ATG10: variants seen among roughly 807,000 people sequenced by gnomAD.
ATG10 encodes the protein autophagy related 10, also known as ubiquitin-like-conjugating enzyme ATG10.
A neutral mutation model predicts 32.1 loss-of-function variants in ATG10; 30 were observed. That is an observed-to-expected ratio of 0.94 (90% CI 0.70 to 1.27). The LOEUF is 1.27. ATG10 is among the 50% of genes most tolerant of loss of function. The pLI is 0.00. For missense variants in ATG10, 233 were observed against 262.3 expected (o/e 0.89, Z 0.77); for synonymous variants, 87 against 91.5 (o/e 0.95, Z 0.28).
intron 4 of ATG10, among the ~76,000 whole-genome samples, chr5:82,173,786 C>G (rs867670857): frequency 6.6e-6 from 1 of 152,066 alleles, no homozygotes; most frequent in Non-Finnish European, 1.5e-5. Flanking sequence ...CTGACTGAGG[C>G]CAGATGTAAA....
chr5:82,101,067 GT>G (rs940109716), intron 3 of ATG10, among the ~76,000 whole-genome samples: 4 of 152,130 alleles, frequency 2.6e-5, no homozygotes, highest in African/African-American at 4.8e-5. Flanking sequence ...GGTAAAATGT[GT>G]TGTTGCTTTT....
intron 2 of ATG10, among the ~76,000 whole-genome samples, chr5:82,021,122 T>C (rs1762420847): frequency 6.6e-6 from 1 of 152,200 alleles, no homozygotes; most frequent in African/African-American, 2.4e-5. Context: ...GGGGTCATGC[T>C]GAATTCAAAT....
At chr5:82,154,657 C>T (rs980369052) in intron 3 of ATG10, among the ~76,000 whole-genome samples, 1 of 152,116 alleles carries the variant, frequency 6.6e-6, no homozygotes, top group Non-Finnish European at 1.5e-5. Context: ...TTGAGTGTCT[C>T]CTTGAATCCC....
chr5:81,980,409 G>A (rs902347796), intron 1 of ATG10, among the ~76,000 whole-genome samples: 1 of 152,096 alleles, frequency 6.6e-6, no homozygotes, highest in Non-Finnish European at 1.5e-5. Context: ...ACAAAAGAGG[G>A]GCATGTTGAC....
chr5:81,987,712 A>G (rs771781743), intron 2 of ATG10, 34 bp downstream of exon 2: 11 of 1,535,328 alleles, frequency 7.2e-6, no homozygotes, highest in Non-Finnish European at 8.0e-6. Context: ...CTGTCTCAAA[A>G]GAGGATTTTT....
At chr5:82,229,689 TC>T (rs1249478360) in intron 5 of ATG10, among the ~76,000 whole-genome samples, 1 of 152,216 alleles carries the variant, frequency 6.6e-6, no homozygotes, top group African/African-American at 2.4e-5. Flanking sequence ...TAATGTGACT[TC>T]TTATTTGAAT....
intron 3 of ATG10, among the ~76,000 whole-genome samples, chr5:82,153,204 A>G (rs975511576): frequency 1.3e-5 from 2 of 152,218 alleles, no homozygotes; most frequent in Non-Finnish European, 1.5e-5. Context: ...CTTGAGAGCA[A>G]ACACCATATC....
chr5:82,010,006 G>C (rs1181430726), intron 2 of ATG10: 14 of 1,610,006 alleles, frequency 8.7e-6, no homozygotes, highest in Non-Finnish European at 1.1e-5. Context: ...GCTGTCTTTG[G>C]GACCTTGTCA....
chr5:82,211,378 T>A lies in ATG10; in HGVS notation c.453+32791T>A, dbSNP rs1386193307. Among the ~76,000 whole-genome samples the A allele has an allele frequency of 2.6e-5, 4 of 152,170 alleles. 1 individual carries two copies. The South Asian group carries it at 6.2e-4, about 24-fold the overall frequency. On this transcript the variant is annotated intron_variant, in intron 5 of 7. Coordinates refer to ENST00000282185, the MANE Select transcript of ATG10 (RefSeq NM_031482.5). ...ATTCTCTGCTCATGATGTAAGTGCC[T>A]CCACTCATCTAGCCCTACACGCCTG...
At chr5:82,088,210 G>A (rs1462087734) in intron 3 of ATG10, among the ~76,000 whole-genome samples, 72 of 151,616 alleles carry the variant, frequency 4.7e-4, no homozygotes, top group Admixed American at 4.7e-3. Flanking sequence ...TTCTGCTTAA[G>A]TTAGCCCCAG....
At chr5:82,216,375 T>A (rs1581813268) in intron 5 of ATG10, among the ~76,000 whole-genome samples, 1 of 152,268 alleles carries the variant, frequency 6.6e-6, no homozygotes, top group Non-Finnish European at 1.5e-5. Flanking sequence ...CAAGTAACTT[T>A]CCTTTTTCAT....
chr5:82,143,797 T>C (rs1239558103), intron 3 of ATG10, among the ~76,000 whole-genome samples: 2 of 152,356 alleles, frequency 1.3e-5, no homozygotes, highest in African/African-American at 4.8e-5. Flanking sequence ...CTTACAGTTT[T>C]CTTTTCTTGT....
At chr5:82,211,565 G>A (rs534364089) in intron 5 of ATG10, among the ~76,000 whole-genome samples, 15 of 152,046 alleles carry the variant, frequency 9.9e-5, no homozygotes, top group South Asian at 2.1e-4. Context: ...AGCTATTGTC[G>A]TCAACTGAAC....
chr5:81,975,868 T>C (rs1760858260), intron 1 of ATG10, among the ~76,000 whole-genome samples: 1 of 151,978 alleles, frequency 6.6e-6, no homozygotes, highest in South Asian at 2.1e-4. Context: ...AACTATATAA[T>C]ATATAATAAC....
chr5:82,002,152 G>A (rs1183166216), intron 2 of ATG10, among the ~76,000 whole-genome samples: 1 of 152,176 alleles, frequency 6.6e-6, no homozygotes, highest in Non-Finnish European at 1.5e-5. Flanking sequence ...ATGCTGGTGA[G>A]GTTGAAGAGA....
At position 82,183,445 on chromosome 5, in the gene ATG10, G is replaced by GT. The variant is rs550959425; in HGVS notation, c.453+4865dup. Among the ~76,000 whole-genome samples, 5 of 150,790 alleles carry GT rather than the reference G, an allele frequency of 3.3e-5. No homozygotes were observed. The South Asian group carries it at 8.4e-4, about 25-fold the overall frequency. On this transcript the variant is annotated intron_variant, in intron 5 of 7. Transcript: ENST00000282185. ...TGGTGTTTACTATGTTCCTCCCTGT[G>GT]TTTTTTTATAAACTGGTAGTTAGAT...
At chr5:82,222,220 T>C (rs1581820159) in intron 5 of ATG10, among the ~76,000 whole-genome samples, 1 of 152,194 alleles carries the variant, frequency 6.6e-6, no homozygotes, top group Non-Finnish European at 1.5e-5. Context: ...ACTAGTTAAA[T>C]GGGAAGTGGT....
chr5:82,123,957 T>G (rs1766148263), intron 3 of ATG10, among the ~76,000 whole-genome samples: 1 of 151,882 alleles, frequency 6.6e-6, no homozygotes, highest in Non-Finnish European at 1.5e-5. Flanking sequence ...ACTAAAGTAG[T>G]TGGAGATGGA....
chr5:82,108,541 G>T (rs1253455182), intron 3 of ATG10, among the ~76,000 whole-genome samples: 3 of 151,846 alleles, frequency 2.0e-5, no homozygotes, highest in African/African-American at 7.3e-5. Context: ...CCTATGATTT[G>T]AAGATATATA....
Sources: allele counts gnomAD v4.1 joint callset (sites outside exome capture counted in the v4.1 genomes callset), GRCh38; gene constraint gnomAD v4.1.1; transcripts MANE v1.5; gene names NCBI Gene and HGNC (gene_info 2026-07-23, HGNC 2026-07-21).